Variants in KCNH6 observed in about 807,000 individuals in gnomAD.
KCNH6 encodes the protein voltage-gated inwardly rectifying potassium channel KCNH6.
A neutral mutation model predicts 83.4 loss-of-function variants in KCNH6; 81 were observed. That is an observed-to-expected ratio of 0.97 (90% confidence interval 0.81 to 1.17). The LOEUF (loss-of-function observed/expected upper bound fraction) is 1.17, where lower values mean the gene tolerates loss of function less well. Among genes scored for constraint, KCNH6 ranks in the 50% most tolerant of loss-of-function variants. KCNH6 has a pLI of 0.00. For missense variants in KCNH6, 1,203 were observed against 1,290.5 expected (o/e 0.93, Z 1.04); for synonymous variants, 503 against 545.6 (o/e 0.92, Z 1.09).
chr17:63,524,128 TC>T lies in KCNH6; in HGVS notation c.77-8del, dbSNP rs777415532. 2.1e-5 allele frequency: 33 copies of T among 1,586,546 alleles called. No individual in the cohort carries two copies. The highest frequency in any genetic ancestry group is 2.9e-5 in the Non-Finnish European group (33 of 1,156,278). On this transcript the variant is annotated splice_polypyrimidine_tract_variant and intron_variant, in intron 1 of 12. Transcript: ENST00000314672. ...TCCCATGGACTTTTTGCCTCCCACC[TC>T]CCACCCCAGGTCGGAAGTTCCTGAT... is the stretch of plus-strand genomic sequence containing the variant.
intron 2 of KCNH6, among the ~76,000 whole-genome samples, chr17:63,528,605 A>C (rs1224331552): frequency 6.6e-6 from 1 of 152,122 alleles, no homozygotes; most frequent in Non-Finnish European, 1.5e-5. Flanking sequence ...GCTTCCATAC[A>C]TTCAGTCAAC....
rs1410761396 is a variant in KCNH6, at chr17:63,538,639, A to G, written c.1931A>G (p.Asp644Gly). 7.5e-6 allele frequency: 12 copies of G among 1,598,582 alleles called. 2 individuals are homozygous for G. In the South Asian group the frequency reaches 1.3e-4, roughly 18 times the overall value. The change falls in exon 8 of 13, where the codon GAC becomes GGC. Residue 644 changes from aspartate (D) to glycine (G), a missense_variant. Physicochemically the swap from Asp to Gly is moderately conservative, Grantham distance 94 (BLOSUM62 -1). Coordinates refer to ENST00000314672, the MANE Select transcript of KCNH6 (RefSeq NM_001278919.2). The surrounding 1 kb of genome is among the most constrained non-coding windows in gnomAD (Gnocchi z 4.0). ...ISRGSIEILR[D>G]DVVVAILGKN... ...CGAGGCTCCATCGAGATCCTGCGCGACGACGTGGTCGTGGCCATCCTAGGT... is the reference window on the plus strand; with the variant it reads ...CGAGGCTCCATCGAGATCCTGCGCGGCGACGTGGTCGTGGCCATCCTAGGT...
At chr17:63,541,575 G>C (rs2032865019) in intron 8 of KCNH6, among the ~76,000 whole-genome samples, 1 of 150,188 alleles carries the variant, frequency 6.7e-6, no homozygotes, top group African/African-American at 2.5e-5. Flanking sequence ...TTACAGGCGT[G>C]AGCCGCTGAG....
chr17:63,538,998 G>T lies in KCNH6; in HGVS notation c.1954+336G>T, dbSNP rs1364419698. On this transcript the variant is annotated intron_variant, in intron 8 of 12. Transcript: ENST00000314672. The surrounding 1 kb of genome is among the most constrained non-coding windows in gnomAD (Gnocchi z 4.0). ...CACTCTTGGGGAGTTTAGGGAGAAA[G>T]GCCAAGGGTCTTTCTGGGTGGAGGT... 1.3e-5 allele frequency among the ~76,000 whole-genome samples: 2 copies of T among 152,122 alleles called. No homozygotes were observed. Among genetic ancestry groups the T allele is most frequent in the Admixed American group, 6.5e-5 (1 of 15,278 alleles).
At chr17:63,526,532 T>A (rs2147625997) in intron 2 of KCNH6, among the ~76,000 whole-genome samples, 1 of 152,088 alleles carries the variant, frequency 6.6e-6, no homozygotes, top group East Asian at 1.9e-4. Context: ...AATTTTTTAA[T>A]TTTTTGTAGG....
At position 63,538,078 on chromosome 17, in the gene KCNH6, C is replaced by T; in HGVS notation, c.1515C>T (p.Ala505=). ...CCCCGCCCCCAGCCCTGATGTACGC[C>T]AGCATCTTCGGGAACGTGTCCGCGA... ...CVMLIGSLMY[A]SIFGNVSAII... The change falls in exon 7 of 13, where the codon GCC becomes GCT. Residue 505 remains alanine (A), a synonymous_variant. Transcript: ENST00000314672. This position sits in a 1 kb window ranked among gnomAD's most constrained non-coding sequence, Gnocchi z 4.0. 2 of 1,613,636 alleles carry T rather than the reference C, an allele frequency of 1.2e-6. No individual in the cohort carries two copies. Among genetic ancestry groups the T allele is most frequent in the Non-Finnish European group, 1.7e-6 (2 of 1,179,988 alleles).
intron 12 of KCNH6, 23 bp downstream of exon 12, chr17:63,545,287 G>A: frequency 6.2e-7 from 1 of 1,609,928 alleles, no homozygotes; most frequent in South Asian, 1.1e-5. Flanking sequence ...GGGATTCCCA[G>A]GGGCTTACCT....
chr17:63,537,281 C>T (rs995532986), intron 6 of KCNH6, among the ~76,000 whole-genome samples: 7 of 152,202 alleles, frequency 4.6e-5, no homozygotes, highest in Non-Finnish European at 8.8e-5. Context: ...CCTCCCAAGA[C>T]ACCTGGTTTA....
At chr17:63,539,666 C>T (rs1432679823) in intron 8 of KCNH6, among the ~76,000 whole-genome samples, 1 of 152,220 alleles carries the variant, frequency 6.6e-6, no homozygotes, top group African/African-American at 2.4e-5. Context: ...TTCATTCCTG[C>T]CCACTGTCCA....
In KCNH6 at chr17:63,538,698, G is replaced by A. The variant is rs780470542; in HGVS notation, c.1954+36G>A. On this transcript the variant is annotated intron_variant, in intron 8 of 12. Transcript: ENST00000314672. This position sits in a 1 kb window ranked among gnomAD's most constrained non-coding sequence, Gnocchi z 4.0. ...CGGAGTGGACCAGGCCTGTGTTGGG[G>A]ATTGGATGGAAGAGGGCGGGATTGG... 2.6e-6 allele frequency: 4 copies of A among 1,533,072 alleles called. No homozygotes were observed. The South Asian group carries it at 5.0e-5, about 19-fold the overall frequency. 95.0% of individuals were successfully genotyped at this position (1,533,072 alleles called of 1,614,324 possible).
chr17:63,544,230 T>C lies in KCNH6; in HGVS notation c.2234-19T>C. ...GGAACCAGCTAGGCCCAGCTGAGAC[T>C]TCCCTTTCCCTCCTGCAGATGCAGC... On this transcript the variant is annotated intron_variant, in intron 10 of 12. Coordinates refer to ENST00000314672, the MANE Select transcript of KCNH6 (RefSeq NM_001278919.2). 1 of 1,584,848 alleles carries C rather than the reference T, an allele frequency of 6.3e-7. No homozygotes were observed. Among genetic ancestry groups the C allele is most frequent in the East Asian group, 2.3e-5 (1 of 44,238 alleles).
intron 2 of KCNH6, 44 bp downstream of exon 2, chr17:63,524,413 C>A (rs932719532): frequency 6.4e-7 from 1 of 1,559,242 alleles, no homozygotes; most frequent in Non-Finnish European, 8.8e-7. Flanking sequence ...CAGGCTTGGC[C>A]CTCTGTCTTG....
At chr17:63,540,398 C>G (rs988552657) in intron 8 of KCNH6, among the ~76,000 whole-genome samples, 6 of 151,900 alleles carry the variant, frequency 3.9e-5, no homozygotes, top group African/African-American at 1.5e-4. Context: ...CGCCACTGTA[C>G]TCCAGCCTGG....
intron 4 of KCNH6, among the ~76,000 whole-genome samples, chr17:63,531,843 G>T (rs79475171): frequency 1.3e-5 from 2 of 152,158 alleles, no homozygotes; most frequent in African/African-American, 4.8e-5. Context: ...CTGCCTACCC[G>T]TTTGTTCCTC....
At chr17:63,524,516 G>A in intron 2 of KCNH6, 147 bp downstream of exon 2, 2 of 654,576 alleles carry the variant, frequency 3.1e-6, no homozygotes, top group Non-Finnish European at 2.6e-6. Context: ...TTCCTCCACA[G>A]GCATTGGATA....
At chr17:63,532,824 T>C (rs546347167) in intron 4 of KCNH6, among the ~76,000 whole-genome samples, 6 of 152,240 alleles carry the variant, frequency 3.9e-5, no homozygotes, top group African/African-American at 1.4e-4. Context: ...GAGCAGTGTC[T>C]GATGAGGCTG....
rs753609668 is a variant in KCNH6, at chr17:63,538,288, T to A, written c.1701+24T>A. ...CGGTGAGCCCCGCCGCTCCGGCTAA[T>A]GCCCCGGGCGTGGGGGGGAGCCAAG... On this transcript the variant is annotated intron_variant, in intron 7 of 12. Coordinates refer to ENST00000314672, the MANE Select transcript of KCNH6 (RefSeq NM_001278919.2). This position sits in a 1 kb window ranked among gnomAD's most constrained non-coding sequence, Gnocchi z 4.0. 3.2e-6 allele frequency: 5 copies of A among 1,567,342 alleles called. No homozygotes were observed. Among genetic ancestry groups the A allele is most frequent in the Non-Finnish European group, 4.3e-6 (5 of 1,160,564 alleles).
At position 63,538,520 on chromosome 17, in the gene KCNH6, C is replaced by T; in HGVS notation, c.1812C>T (p.Arg604=). 6.2e-7 allele frequency: 1 copy of T among 1,605,422 alleles called. No homozygotes were observed. Among genetic ancestry groups the T allele is most frequent in the Non-Finnish European group, 8.5e-7 (1 of 1,176,504 alleles). Residue 604 remains arginine (R), a synonymous_variant, in exon 8 of 13, where the codon CGC becomes CGT. Transcript: ENST00000314672. This position sits in a 1 kb window ranked among gnomAD's most constrained non-coding sequence, Gnocchi z 4.0. The stretch of plus-strand genomic sequence containing the variant: ...GCGGCGCCGGCAAGGGCTGCCTGCG[C>T]GCGCTAGCCGTCAAGTTCAAGACCA... ...AFSGAGKGCL[R]ALAVKFKTTH...
intron 2 of KCNH6, among the ~76,000 whole-genome samples, chr17:63,524,615 A>G (rs1043492437): frequency 6.6e-6 from 1 of 152,226 alleles, no homozygotes; most frequent in Admixed American, 6.5e-5. Flanking sequence ...CTGCTCTGCC[A>G]TCCCTCTGCT....
Sources: allele counts gnomAD v4.1 joint callset (sites outside exome capture counted in the v4.1 genomes callset), GRCh38; gene constraint gnomAD v4.1.1; non-coding constraint Gnocchi (gnomAD v3.1); transcripts MANE v1.5; gene names NCBI Gene and HGNC (gene_info 2026-07-23, HGNC 2026-07-21).